Variants in TNFSF8 observed in about 807,000 individuals in gnomAD.
TNFSF8 encodes the protein tumor necrosis factor ligand superfamily member 8.
TNFSF8 carries 4 observed loss-of-function variants against 22.0 expected under a neutral mutation model. That is an observed-to-expected ratio of 0.18 (90% CI 0.09 to 0.42). The LOEUF (loss-of-function observed/expected upper bound fraction) is 0.42. Ranked by LOEUF, TNFSF8 falls within the 10% of genes least tolerant of loss-of-function variation. The pLI is 1.00. For missense variants in TNFSF8, 233 were observed against 281.8 expected (o/e 0.83, Z 1.24); for synonymous variants, 106 against 112.5 (o/e 0.94, Z 0.37).
intron 2 of TNFSF8, among the ~76,000 whole-genome samples, chr9:114,908,484 C>G (rs1053724722): frequency 6.6e-6 from 1 of 152,134 alleles, no homozygotes; most frequent in Admixed American, 6.5e-5. Context: ...GGCCGAAAGC[C>G]CTCTTACACT....
chr9:114,923,528 T>TCTTTCTTTC (rs1828019546), intron 1 of TNFSF8, among the ~76,000 whole-genome samples: 2 of 147,512 alleles, frequency 1.4e-5, no homozygotes, highest in Non-Finnish European at 3.0e-5. Context: ...CTTTCTTTTT[T>TCTTTCTTTC]TTTTTTTGAG....
At chr9:114,925,663 G>C (rs1828048034) in intron 1 of TNFSF8, among the ~76,000 whole-genome samples, 1 of 152,086 alleles carries the variant, frequency 6.6e-6, no homozygotes, top group Non-Finnish European at 1.5e-5. Context: ...TCCACTGTTG[G>C]TGTGGAGATA....
chr9:114,911,731 C>T lies in TNFSF8; in HGVS notation c.239-5832G>A, dbSNP rs150387087. 5.3e-5 allele frequency among the ~76,000 whole-genome samples: 8 copies of T among 152,196 alleles called. No homozygotes were observed. The South Asian group carries it at 6.2e-4, about 12-fold the overall frequency. ...AAATAATTTAAATCCTGCCTCCCCC[C>T]GCCCCCTGCCCCACCTACTTTCCTT... On this transcript the variant is annotated intron_variant, in intron 2 of 3. Coordinates refer to ENST00000223795, the MANE Select transcript of TNFSF8 (RefSeq NM_001244.4).
At chr9:114,893,776 G>A in exon 5 of TNFSF8, 1 of 283,508 alleles carries the variant, frequency 3.5e-6, no homozygotes, top group Non-Finnish European at 6.8e-6. Flanking sequence ...TTCCCCTGAA[G>A]GGAATTGATG....
intron 3 of TNFSF8, among the ~76,000 whole-genome samples, chr9:114,905,056 G>A (rs1279525373): frequency 6.6e-6 from 1 of 152,214 alleles, no homozygotes; most frequent in African/African-American, 2.4e-5. Context: ...TGTGTTGGAA[G>A]GTGAGTCTCT....
downstream of TNFSF8, among the ~76,000 whole-genome samples, chr9:114,896,815 T>C (rs1481312574): frequency 6.6e-6 from 1 of 152,192 alleles, no homozygotes; most frequent in Non-Finnish European, 1.5e-5. Flanking sequence ...TTCCATGTTC[T>C]CAGATGGCAC....
downstream of TNFSF8, among the ~76,000 whole-genome samples, chr9:114,899,372 T>C (rs1827693048): frequency 6.7e-6 from 1 of 149,462 alleles, no homozygotes. Flanking sequence ...TTAGTCCTCG[T>C]TGGCAACATG....
chr9:114,915,367 A>G (rs570717789), intron 2 of TNFSF8, among the ~76,000 whole-genome samples: 93 of 152,304 alleles, frequency 6.1e-4, no homozygotes, highest in African/African-American at 2.2e-3. Flanking sequence ...TATATTACAG[A>G]TGAGGCTCAG....
At chr9:114,924,682 T>C (rs949498955) in intron 1 of TNFSF8, among the ~76,000 whole-genome samples, 3 of 152,212 alleles carry the variant, frequency 2.0e-5, no homozygotes, top group African/African-American at 7.2e-5. Flanking sequence ...ATGACTGTTG[T>C]AATTCTTGGA....
chr9:114,912,001 G>T (rs1427297864), intron 2 of TNFSF8, among the ~76,000 whole-genome samples: 1 of 152,116 alleles, frequency 6.6e-6, no homozygotes, highest in Non-Finnish European at 1.5e-5. Context: ...CTCCCTACCT[G>T]TTCAAAATGC....
At chr9:114,898,933 C>T (rs1005640917), downstream of TNFSF8, among the ~76,000 whole-genome samples, 6 of 152,184 alleles carry the variant, frequency 3.9e-5, no homozygotes, top group Middle Eastern at 3.4e-3. Context: ...AAACTGCTGC[C>T]GCGAACAGGA....
At chr9:114,913,341 C>T (rs1004274038) in intron 2 of TNFSF8, among the ~76,000 whole-genome samples, 33 of 152,174 alleles carry the variant, frequency 2.2e-4, no homozygotes, top group Middle Eastern at 3.2e-3. Context: ...GGAATTGTCC[C>T]AAGGCACATG....
At chr9:114,897,123 A>G (rs1827663546), downstream of TNFSF8, among the ~76,000 whole-genome samples, 1 of 152,058 alleles carries the variant, frequency 6.6e-6, no homozygotes. Flanking sequence ...CTGGTCTCGA[A>G]CCCCTGACCT....
Position 114,930,121 on chromosome 9 carries a change from G to A in TNFSF8, c.183C>T (p.Val61=), listed in dbSNP as rs141145398. ...GGAGTCCACTTACCGTCCTCTGAACGACCAACACCATAATAGTGGCCACCG... is the reference window on the plus strand; with the variant it reads ...GGAGTCCACTTACCGTCCTCTGAACAACCAACACCATAATAGTGGCCACCG... ...VFTVATIMVL[V]VQRTDSIPNS... Residue 61 remains valine (V), a synonymous_variant, in exon 1 of 4, where the codon GTC becomes GTT. Coordinates refer to ENST00000223795, the MANE Select transcript of TNFSF8 (RefSeq NM_001244.4). 1.3e-6 allele frequency: 2 copies of A among 1,500,806 alleles called. No homozygotes were observed. Among genetic ancestry groups the A allele is most frequent in the Non-Finnish European group, 1.8e-6 (2 of 1,119,488 alleles). 93.0% of individuals were successfully genotyped at this position (1,500,806 alleles called of 1,614,324 possible). A position where few individuals can be genotyped will look rare whatever the true frequency, so the allele number is the denominator to read the frequency against.
chr9:114,914,591 T>C (rs980758949), intron 2 of TNFSF8, among the ~76,000 whole-genome samples: 1 of 152,230 alleles, frequency 6.6e-6, no homozygotes, highest in Non-Finnish European at 1.5e-5. Flanking sequence ...TATCTGGATA[T>C]GAAAGAACAG....
At chr9:114,912,515 G>T (rs1368852065) in intron 2 of TNFSF8, among the ~76,000 whole-genome samples, 1 of 152,180 alleles carries the variant, frequency 6.6e-6, no homozygotes, top group African/African-American at 2.4e-5. Context: ...TCAGCCTCTT[G>T]AGTAGCTGGG....
chr9:114,902,367 G>C lies in TNFSF8; in HGVS notation c.*1564C>G. The C allele has an allele frequency of 6.1e-6, 6 of 985,426 alleles. No individual in the cohort carries two copies. The highest frequency in any genetic ancestry group is 7.2e-6 in the Non-Finnish European group (6 of 829,926). The allele number at this position is 985,426 out of a possible 1,614,324, so 61.0% of individuals were successfully genotyped here. A position where few individuals can be genotyped will look rare whatever the true frequency, so the allele number is the denominator to read the frequency against. On this transcript the variant is annotated 3_prime_UTR_variant, in exon 4 of 4. Coordinates refer to ENST00000223795, the MANE Select transcript of TNFSF8 (RefSeq NM_001244.4). The stretch of plus-strand genomic sequence containing the variant: ...GGATGGAGCAGCCATTCCCTGGCTA[G>C]ATGACCACATCACTGTTGCACACTG...
chr9:114,918,044 G>A, intron 2 of TNFSF8, 52 bp downstream of exon 2: 2 of 1,530,864 alleles, frequency 1.3e-6, no homozygotes, highest in Non-Finnish European at 1.8e-6. Context: ...ACACTTTATG[G>A]CATTTATCTA....
At chr9:114,925,982 TAAGAG>T (rs148464747) in intron 1 of TNFSF8, among the ~76,000 whole-genome samples, 3,690 of 152,304 alleles carry the variant, frequency 0.024, 227 homozygotes, top group Admixed American at 0.11. Flanking sequence ...CTTGAGGAGA[TAAGAG>T]AAGTTTTATT....
Sources: allele counts gnomAD v4.1 joint callset (sites outside exome capture counted in the v4.1 genomes callset), GRCh38; gene constraint gnomAD v4.1.1; transcripts MANE v1.5; gene names NCBI Gene and HGNC (gene_info 2026-07-23, HGNC 2026-07-21).